The following CELF2 variants were observed in gnomAD, a reference collection of about 807,000 sequenced individuals.
The protein encoded by CELF2 is CUGBP Elav-like family member 2, also known as CUG triplet repeat RNA-binding protein 2.
A neutral mutation model predicts 62.6 loss-of-function variants in CELF2; 8 were observed. The observed-to-expected ratio is 0.13, with a 90% confidence interval of 0.07 to 0.23. The LOEUF is 0.23. Ranked by LOEUF, CELF2 falls within the 10% of genes least tolerant of loss-of-function variation. CELF2 has a pLI of 1.00. For missense variants in CELF2, 333 were observed against 671.0 expected (o/e 0.50, Z 5.56); for synonymous variants, 258 against 250.0 (o/e 1.03, Z -0.30).
chr10:11,297,092 G>A lies in CELF2; in HGVS notation c.976+8540G>A, dbSNP rs576836119. On this transcript the variant is annotated intron_variant, in intron 9 of 12. Transcript: ENST00000633077. The surrounding 1 kb of genome is among the most constrained non-coding windows in gnomAD (Gnocchi z 4.4). ...TGAGGCACCCATTTGATGTGAGGGAGAACAAAAGGAAAGGAGGAAAAATGA... is the reference window on the plus strand; with the variant it reads ...TGAGGCACCCATTTGATGTGAGGGAAAACAAAAGGAAAGGAGGAAAAATGA... Among the ~76,000 whole-genome samples the A allele has an allele frequency of 3.4e-4, 52 of 152,304 alleles. No individual in the cohort carries two copies. Among genetic ancestry groups the A allele is most frequent in the African/African-American group, 1.3e-3 (52 of 41,576 alleles).
the CELF2 span, among the ~76,000 whole-genome samples, chr10:10,685,624 G>A: frequency 6.6e-6 from 1 of 152,108 alleles, no homozygotes. Flanking sequence ...TGTCTCAAAA[G>A]CCAAGCCCTA....
At chr10:11,047,533 G>A (rs1270520411) in intron 1 of CELF2, among the ~76,000 whole-genome samples, 1 of 152,190 alleles carries the variant, frequency 6.6e-6, no homozygotes, top group Non-Finnish European at 1.5e-5. Flanking sequence ...CTGCAGAACA[G>A]ATTTTGGGAA....
At chr10:10,559,140 G>A in the CELF2 span, among the ~76,000 whole-genome samples, 65 of 152,284 alleles carry the variant, frequency 4.3e-4, no homozygotes, top group African/African-American at 1.6e-3. Flanking sequence ...CACAGAGCGG[G>A]CAAATTTAAA....
At position 11,021,413 on chromosome 10, in the gene CELF2, A is replaced by G. The variant is rs753351532; in HGVS notation, c.74+3250A>G. ...TAACTGGCAAAATATCTATCAGTGT[A>G]TAATTAAACTGAAGGGTGGTTCTAA... On this transcript the variant is annotated intron_variant, in intron 1 of 12. Transcript: ENST00000633077. 1.6e-4 allele frequency among the ~76,000 whole-genome samples: 25 copies of G among 152,220 alleles called. 1 individual carries two copies. Among genetic ancestry groups the G allele is most frequent in the African/African-American group, 1.4e-4 (6 of 41,450 alleles).
At chr10:10,769,051 T>A in the CELF2 span, among the ~76,000 whole-genome samples, 2 of 152,210 alleles carry the variant, frequency 1.3e-5, no homozygotes, top group Non-Finnish European at 2.9e-5. Flanking sequence ...CATTTCCTAT[T>A]TGTTTTTCCT....
At chr10:10,647,598 G>A in the CELF2 span, among the ~76,000 whole-genome samples, 39 of 152,246 alleles carry the variant, frequency 2.6e-4, no homozygotes, top group East Asian at 5.4e-3. Context: ...ATTTTACATG[G>A]TGCCTCCGTG....
At chr10:11,153,720 A>C (rs553998336) in intron 1 of CELF2, among the ~76,000 whole-genome samples, 5 of 152,372 alleles carry the variant, frequency 3.3e-5, no homozygotes, top group African/African-American at 1.2e-4. Flanking sequence ...TTTGGATCCA[A>C]GAAGAAAAAT....
chr10:10,588,715 G>A, the CELF2 span, among the ~76,000 whole-genome samples: 78 of 152,174 alleles, frequency 5.1e-4, 1 homozygote, highest in Non-Finnish European at 9.6e-4. Context: ...AGGTCAAGGG[G>A]TAAAAAGGCT....
At chr10:11,323,768 G>A (rs1445756152) in intron 11 of CELF2, among the ~76,000 whole-genome samples, 1 of 152,222 alleles carries the variant, frequency 6.6e-6, no homozygotes, top group Non-Finnish European at 1.5e-5. Flanking sequence ...GGAGAAATCT[G>A]ATGAAAGGGT....
intron 1 of CELF2, among the ~76,000 whole-genome samples, chr10:10,890,053 G>A (rs575993361): frequency 6.6e-6 from 1 of 152,300 alleles, no homozygotes; most frequent in South Asian, 2.1e-4. Context: ...TCACAATGAG[G>A]AGGGGTTTTT....
chr10:10,599,893 G>A, the CELF2 span, among the ~76,000 whole-genome samples: 3 of 151,576 alleles, frequency 2.0e-5, no homozygotes, highest in Non-Finnish European at 2.9e-5. Context: ...CACCACACCC[G>A]GCTAATTTGT....
At chr10:10,761,395 G>A in the CELF2 span, among the ~76,000 whole-genome samples, 47,713 of 152,068 alleles carry the variant, frequency 0.31, 8,109 homozygotes, top group East Asian at 0.5. Context: ...ACATGGTTGA[G>A]TAGGTTGGTA....
chr10:11,236,823 G>C (rs542068985), intron 3 of CELF2, among the ~76,000 whole-genome samples: 1 of 152,336 alleles, frequency 6.6e-6, no homozygotes, highest in East Asian at 1.9e-4. Flanking sequence ...CATGAGAAGG[G>C]TCATTGTGCC....
upstream of CELF2, chr10:10,796,950 G>A (rs2054173507): frequency 4.3e-6 from 4 of 939,764 alleles, no homozygotes; most frequent in Non-Finnish European, 5.1e-6. Context: ...TTGCACTTCT[G>A]AAGAAAGTCA....
At chr10:11,186,122 A>G (rs1164117377) in intron 2 of CELF2, among the ~76,000 whole-genome samples, 2 of 152,196 alleles carry the variant, frequency 1.3e-5, no homozygotes, top group Non-Finnish European at 2.9e-5. Context: ...AAAACTGTGT[A>G]TAATCCCTTA....
At chr10:10,557,004 G>C in the CELF2 span, among the ~76,000 whole-genome samples, 1 of 147,916 alleles carries the variant, frequency 6.8e-6, no homozygotes, top group Non-Finnish European at 1.5e-5. Flanking sequence ...TCTGATGGTA[G>C]TTTCTTTTGC....
chr10:10,701,637 T>C, the CELF2 span, among the ~76,000 whole-genome samples: 1 of 152,230 alleles, frequency 6.6e-6, no homozygotes, highest in Non-Finnish European at 1.5e-5. Flanking sequence ...GTTGTTGTTG[T>C]TGTTTTTCAA....
rs78108158 is a variant in CELF2 at position 11,279,210 on chromosome 10, C to T, written c.841+4090C>T. Among the ~76,000 whole-genome samples, 945 of 152,282 alleles carry T rather than the reference C, an allele frequency of 6.2e-3. 15 individuals are homozygous for T. The highest frequency in any genetic ancestry group is 0.021 in the African/African-American group (891 of 41,540). On this transcript the variant is annotated intron_variant, in intron 8 of 12. Coordinates refer to ENST00000633077, the MANE Select transcript of CELF2 (RefSeq NM_001326342.2). ...TTTGATGAACGGGAGGAAACTGCTT[C>T]GTTTCAATTCTGATTCTGAGTAAAG...
the CELF2 span, among the ~76,000 whole-genome samples, chr10:10,729,320 A>T: frequency 2.0e-5 from 3 of 152,242 alleles, no homozygotes; most frequent in South Asian, 6.2e-4. Flanking sequence ...TGGTAAGAGA[A>T]ATACAGCGAA....
Sources: allele counts gnomAD v4.1 joint callset (sites outside exome capture counted in the v4.1 genomes callset), GRCh38; gene constraint gnomAD v4.1.1; non-coding constraint Gnocchi (gnomAD v3.1); transcripts MANE v1.5; gene names NCBI Gene and HGNC (gene_info 2026-07-23, HGNC 2026-07-21).